STX8: variants seen among roughly 807,000 people sequenced by gnomAD.
STX8 encodes the protein syntaxin 8, also known as syntaxin-8.
In STX8, 23 loss-of-function variants were observed where a neutral mutation model predicts 37.5. The observed-to-expected ratio is 0.61, with a 90% CI of 0.44 to 0.87. The LOEUF (loss-of-function observed/expected upper bound fraction) is 0.87. STX8 is among the 40% of genes least tolerant of loss of function. STX8 has a pLI of 0.00. For synonymous variants in STX8, 115 were observed against 99.1 expected, an observed-to-expected ratio of 1.16 and a Z score of -0.95; for missense variants, 313 against 284.7, an observed-to-expected ratio of 1.10 and a Z score of -0.71.
chr17:9,320,898 CAA>C (rs569712332), intron 7 of STX8, among the ~76,000 whole-genome samples: 46 of 78,868 alleles, frequency 5.8e-4, no homozygotes, highest in African/African-American at 1.7e-3. Context: ...GACTATTTTC[CAA>C]AAAAAAAAAA....
At chr17:9,338,048 A>ATTTTTTTTTTT (rs972471091) in intron 7 of STX8, among the ~76,000 whole-genome samples, 21 of 107,898 alleles carry the variant, frequency 1.9e-4, no homozygotes, top group South Asian at 3.4e-4. Flanking sequence ...CCTCTGAAGG[A>ATTTTTTTTTTT]TTTTTTTTTT....
chr17:9,410,365 C>T (rs929343312), intron 6 of STX8, among the ~76,000 whole-genome samples: 2 of 152,042 alleles, frequency 1.3e-5, no homozygotes, highest in Admixed American at 6.6e-5. Flanking sequence ...TGTACGTTTC[C>T]TTCCTTAACA....
intron 6 of STX8, among the ~76,000 whole-genome samples, chr17:9,452,949 G>GT (rs1214170901): frequency 6.6e-6 from 1 of 151,978 alleles, no homozygotes; most frequent in East Asian, 1.9e-4. Context: ...GGGATTACAG[G>GT]TGCCCACCAC....
chr17:9,441,266 C>A (rs972008733), intron 6 of STX8, among the ~76,000 whole-genome samples: 2 of 151,756 alleles, frequency 1.3e-5, no homozygotes, highest in Non-Finnish European at 2.9e-5. Context: ...CCAAGGCGGG[C>A]GGATCACGAG....
chr17:9,393,831 G>A (rs116758016), intron 6 of STX8, among the ~76,000 whole-genome samples: 32 of 152,308 alleles, frequency 2.1e-4, no homozygotes, highest in African/African-American at 7.0e-4. Flanking sequence ...TTAGGAATGG[G>A]TGAGAGTATG....
At chr17:9,562,298 T>C (rs573506173) in intron 2 of STX8, among the ~76,000 whole-genome samples, 11 of 151,402 alleles carry the variant, frequency 7.3e-5, no homozygotes, top group African/African-American at 1.2e-4. Context: ...CCCAGCTACT[T>C]GGGAGGCTGA....
chr17:9,317,236 G>A (rs1909412776), intron 7 of STX8, among the ~76,000 whole-genome samples: 1 of 152,186 alleles, frequency 6.6e-6, no homozygotes, highest in South Asian at 2.1e-4. Flanking sequence ...ACGTAAATGG[G>A]ATAGGGCTGA....
chr17:9,574,876 T>C (rs977253748), intron 1 of STX8, among the ~76,000 whole-genome samples: 1 of 152,210 alleles, frequency 6.6e-6, no homozygotes, highest in African/African-American at 2.4e-5. Context: ...AATTAAATAA[T>C]TGGCCCAAAT....
chr17:9,556,236 G>A (rs1226712549), intron 3 of STX8, among the ~76,000 whole-genome samples: 1 of 152,022 alleles, frequency 6.6e-6, no homozygotes, highest in Admixed American at 6.6e-5. Flanking sequence ...CTGTATTCCT[G>A]TATTTCCTTA....
intron 3 of STX8, among the ~76,000 whole-genome samples, chr17:9,546,590 G>GT (rs745424722): frequency 6.3e-4 from 39 of 62,228 alleles, no homozygotes; most frequent in East Asian, 2.5e-3. Flanking sequence ...CTACAAAAGT[G>GT]GTTTTTTTTT....
intron 7 of STX8, among the ~76,000 whole-genome samples, chr17:9,374,789 C>T (rs530889318): frequency 1.6e-4 from 24 of 151,840 alleles, no homozygotes; most frequent in Admixed American, 9.2e-4. Context: ...AGAGGTTGGG[C>T]GCGGTGGCTC....
intron 7 of STX8, among the ~76,000 whole-genome samples, chr17:9,288,934 G>T (rs540254257): frequency 6.6e-6 from 1 of 152,094 alleles, no homozygotes; most frequent in Non-Finnish European, 1.5e-5. Flanking sequence ...AAACTGAAGC[G>T]TTCACAAAAT....
chr17:9,545,087 AAAGT>A (rs2142568399), intron 4 of STX8, 81 bp downstream of exon 4: 2 of 788,320 alleles, frequency 2.5e-6, no homozygotes, highest in South Asian at 1.7e-5. Context: ...ATTAATTCCT[AAAGT>A]AAGCCATTCA....
intron 5 of STX8, among the ~76,000 whole-genome samples, chr17:9,504,462 A>T (rs953457753): frequency 1.3e-5 from 2 of 152,172 alleles, no homozygotes; most frequent in African/African-American, 4.8e-5. Context: ...TCGTGAAGCT[A>T]AAGTAAAGAG....
intron 7 of STX8, among the ~76,000 whole-genome samples, chr17:9,292,777 C>A (rs537633930): frequency 5.2e-4 from 79 of 152,298 alleles, no homozygotes; most frequent in Non-Finnish European, 1.0e-3. Flanking sequence ...CCTCTTGAGC[C>A]AACAAGTCTT....
chr17:9,508,932 T>A (rs1904935898), intron 4 of STX8, among the ~76,000 whole-genome samples: 1 of 151,982 alleles, frequency 6.6e-6, no homozygotes, highest in Non-Finnish European at 1.5e-5. Context: ...TTATCAAAAG[T>A]CAAAGACAAA....
chr17:9,322,839 A>G (rs1039694291), intron 7 of STX8, among the ~76,000 whole-genome samples: 5 of 150,262 alleles, frequency 3.3e-5, no homozygotes, highest in Non-Finnish European at 7.4e-5. Context: ...AAAAAAAAAA[A>G]AGAGGCAAAA....
At chr17:9,376,610 A>G (rs1054904870) in intron 7 of STX8, among the ~76,000 whole-genome samples, 68 of 152,312 alleles carry the variant, frequency 4.5e-4, no homozygotes, top group African/African-American at 1.5e-3. Context: ...CACTGTTCAC[A>G]ATAAATCTTG....
chr17:9,339,070 C>CAAAAAAAAAAAAAAAAAA (rs34987749), intron 7 of STX8, among the ~76,000 whole-genome samples: 38 of 70,010 alleles, frequency 5.4e-4, no homozygotes, highest in African/African-American at 2.2e-3. Context: ...GACTCCGTCT[C>CAAAAAAAAAAAAAAAAAA]AAAAAAAAAA....
Sources: gnomAD v4.1 joint callset for allele counts (sites outside exome capture counted in the v4.1 genomes callset) on GRCh38, gnomAD v4.1.1 for gene constraint, MANE v1.5 for transcripts, NCBI Gene and HGNC (gene_info 2026-07-23, HGNC 2026-07-21) for gene names.